ABL1: variants seen among roughly 807,000 people sequenced by gnomAD.
The protein encoded by ABL1 is tyrosine-protein kinase ABL1.
A neutral mutation model predicts 94.7 loss-of-function variants in ABL1; 11 were observed. The ratio of observed to expected loss-of-function variants is 0.12; its 90% CI spans 0.07 to 0.19. The LOEUF is 0.19. ABL1 is among the 10% of genes least tolerant of loss of function. The pLI is 1.00. For synonymous variants in ABL1, 656 were observed against 622.4 expected (o/e 1.05, Z -0.80); for missense variants, 1,082 against 1,489.4 (o/e 0.73, Z 4.50).
At position 130,884,766 on chromosome 9, in the gene ABL1, C is replaced by T. The variant is rs140320313; in HGVS notation, c.2476C>T (p.Pro826Ser). 4.3e-6 allele frequency: 7 copies of T among 1,611,892 alleles called. No individual in the cohort carries two copies. Among genetic ancestry groups the T allele is most frequent in the Admixed American group, 1.7e-5 (1 of 59,946 alleles). Reference sequence around the variant, plus strand: ...CCTCCGGCGGCAGGTCACCGTGGCCCCTGCCTCGGGCCTCCCCCACAAGGA... The same window carrying T: ...CCTCCGGCGGCAGGTCACCGTGGCCTCTGCCTCGGGCCTCCCCCACAAGGA... Reference protein sequence around the residue: ...KPLRRQVTVAPASGLPHKEEA... With the variant: ...KPLRRQVTVASASGLPHKEEA... Residue 826 changes from proline (P) to serine (S), a missense_variant, in exon 11 of 11, where the codon CCT becomes TCT. Around this residue, in one of 7 missense-constraint regions of ABL1, gnomAD observed 780 missense variants for 835.8 expected, o/e 0.93. Transcript: ENST00000318560. This position sits in a 1 kb window ranked among gnomAD's most constrained non-coding sequence, Gnocchi z 5.6.
At chr9:130,815,388 A>G (rs1293250095) in intron 1 of ABL1, among the ~76,000 whole-genome samples, 7 of 152,166 alleles carry the variant, frequency 4.6e-5, no homozygotes, top group Non-Finnish European at 7.4e-5. Context: ...GATCTGATAT[A>G]GTCACTTCTT....
chr9:130,727,495 G>T (rs948410811), intron 1 of ABL1, among the ~76,000 whole-genome samples: 1 of 151,984 alleles, frequency 6.6e-6, no homozygotes, highest in African/African-American at 2.4e-5. Context: ...GGGCGTGGTG[G>T]CACACGCCTG....
At chr9:130,861,792 T>C (rs959138882) in intron 3 of ABL1, among the ~76,000 whole-genome samples, 37 of 152,284 alleles carry the variant, frequency 2.4e-4, no homozygotes, top group African/African-American at 8.9e-4. Context: ...GTGCCTGGAG[T>C]CCAGATGTTT....
intron 1 of ABL1, among the ~76,000 whole-genome samples, chr9:130,761,980 C>A (rs1419824357): frequency 6.6e-6 from 1 of 151,854 alleles, no homozygotes; most frequent in Admixed American, 6.6e-5. Context: ...CCCGTCTCTA[C>A]TAAAAATACA....
At chr9:130,734,825 A>G (rs931979337) in intron 1 of ABL1, among the ~76,000 whole-genome samples, 3 of 152,198 alleles carry the variant, frequency 2.0e-5, no homozygotes, top group Non-Finnish European at 1.5e-5. Flanking sequence ...CCCAGCCTCT[A>G]TTGAATATTC....
intron 1 of ABL1, among the ~76,000 whole-genome samples, chr9:130,799,119 G>A (rs1441494269): frequency 6.6e-6 from 1 of 152,122 alleles, no homozygotes; most frequent in Non-Finnish European, 1.5e-5. Flanking sequence ...AAAGCCAGGG[G>A]AGTCATAAAG....
chr9:130,846,375 AT>A (rs1390296636), intron 1 of ABL1, among the ~76,000 whole-genome samples: 1 of 152,238 alleles, frequency 6.6e-6, no homozygotes, highest in Non-Finnish European at 1.5e-5. Context: ...TGTTTTATAG[AT>A]TTTTAAATTA....
chr9:130,844,130 C>T (rs1287377074), intron 1 of ABL1, among the ~76,000 whole-genome samples: 2 of 152,198 alleles, frequency 1.3e-5, no homozygotes, highest in African/African-American at 4.8e-5. Flanking sequence ...TCTCTTCTGC[C>T]TCTCGGCTGG....
rs1172072689 is a variant in ABL1, at chr9:130,854,893, A to C, written c.346A>C (p.Ile116Leu). 1.2e-6 allele frequency: 2 copies of C among 1,614,094 alleles called. No homozygotes were observed. The highest frequency in any genetic ancestry group is 1.7e-6 in the Non-Finnish European group (2 of 1,180,046). Reference sequence around the variant, plus strand: ...CCAAGGCTGGGTCCCAAGCAACTACATCACGCCAGTCAACAGTCTGGAGAA... The same window carrying C: ...CCAAGGCTGGGTCCCAAGCAACTACCTCACGCCAGTCAACAGTCTGGAGAA... ...NGQGWVPSNY[I>L]TPVNSLEKHS... Residue 116 changes from isoleucine to leucine, a missense_variant, in exon 3 of 11, where the codon ATC becomes CTC. Ile to Leu is a conservative substitution (Grantham distance 5). Transcript: ENST00000318560.
At position 130,718,116 on chromosome 9, in the gene ABL1, G is replaced by A. The variant is rs558325544; in HGVS notation, c.136+3661G>A. Reference sequence around the variant, plus strand: ...GCGGATCACTTGAGGTCAGTAGTTCGAAACTGGCCTGGCCAACGTGATGAA... The same window carrying A: ...GCGGATCACTTGAGGTCAGTAGTTCAAAACTGGCCTGGCCAACGTGATGAA... On this transcript the variant is annotated intron_variant, in intron 1 of 10. Transcript: ENST00000372348. Among the ~76,000 whole-genome samples, 118 of 151,908 alleles carry A rather than the reference G, an allele frequency of 7.8e-4. 1 individual carries two copies. Among genetic ancestry groups the A allele is most frequent in the Non-Finnish European group, 5.9e-5 (4 of 67,966 alleles).
At chr9:130,727,367 G>T (rs1173964159) in intron 1 of ABL1, among the ~76,000 whole-genome samples, 1 of 151,924 alleles carries the variant, frequency 6.6e-6, no homozygotes, top group Non-Finnish European at 1.5e-5. Context: ...GTGCCTGGCG[G>T]TATCTCTCTT....
In ABL1 at chr9:130,886,392, G is replaced by C. The variant is rs1266465972; in HGVS notation, c.*709G>C. On this transcript the variant is annotated 3_prime_UTR_variant, in exon 11 of 11. Coordinates refer to ENST00000318560, the MANE Select transcript of ABL1 (RefSeq NM_005157.6). ...TGAAAAGGATCGAGGCATGGGGCATGTCCTTTCCATCTGTCCACATCCCCA... is the reference window on the plus strand; with the variant it reads ...TGAAAAGGATCGAGGCATGGGGCATCTCCTTTCCATCTGTCCACATCCCCA... 1 of 233,768 alleles carries C rather than the reference G, an allele frequency of 4.3e-6. No individual in the cohort carries two copies. The highest frequency in any genetic ancestry group is 8.5e-6 in the Non-Finnish European group (1 of 118,214). The allele number at this position is 233,768 out of a possible 1,614,324, so 14.5% of individuals were successfully genotyped here.
At chr9:130,780,330 A>G (rs1004883149) in intron 1 of ABL1, among the ~76,000 whole-genome samples, 19 of 152,202 alleles carry the variant, frequency 1.2e-4, no homozygotes, top group African/African-American at 3.9e-4. Context: ...ACTTCAAAAA[A>G]AAGCAAACAC....
intron 10 of ABL1, among the ~76,000 whole-genome samples, chr9:130,881,927 T>C (rs1215973417): frequency 6.6e-6 from 1 of 151,660 alleles, no homozygotes; most frequent in Non-Finnish European, 1.5e-5. Flanking sequence ...ATATGGTATA[T>C]AAAGTACGTA....
chr9:130,782,701 T>TTA (rs1175466741), intron 1 of ABL1, among the ~76,000 whole-genome samples: 1 of 152,244 alleles, frequency 6.6e-6, no homozygotes, highest in African/African-American at 2.4e-5. Flanking sequence ...CCCCAGCATC[T>TTA]GTTAGCTGCT....
rs1388984128 is a variant in ABL1, at chr9:130,796,735, AC to A, written c.137-57328del. On this transcript the variant is annotated intron_variant, in intron 1 of 10. Transcript: ENST00000372348. ...CACAGGTAAAAAAATAAATAAATAA[AC>A]AAAAAACAATGTCTTTCTCTGCCTT... Among the ~76,000 whole-genome samples, 3 of 151,530 alleles carry A rather than the reference AC, an allele frequency of 2.0e-5. No homozygotes were observed. The East Asian group carries it at 5.8e-4, about 29-fold the overall frequency.
At chr9:130,837,746 A>G in intron 1 of ABL1, among the ~76,000 whole-genome samples, 1 of 152,208 alleles carries the variant, frequency 6.6e-6, no homozygotes, top group Non-Finnish European at 1.5e-5. Context: ...AAAGACTGGA[A>G]GTGCTATTTG....
At chr9:130,837,369 G>GT (rs1830604831) in intron 1 of ABL1, among the ~76,000 whole-genome samples, 1 of 152,160 alleles carries the variant, frequency 6.6e-6, no homozygotes, top group Non-Finnish European at 1.5e-5. Flanking sequence ...ATGGACTTTT[G>GT]TAAGTGCAGA....
At chr9:130,875,382 A>G (rs1335110438) in intron 7 of ABL1, among the ~76,000 whole-genome samples, 1 of 151,352 alleles carries the variant, frequency 6.6e-6, no homozygotes, top group African/African-American at 2.4e-5. Context: ...ACCTCAGGTG[A>G]TCTGCCTGCC....
Sources: gnomAD v4.1 joint callset for allele counts (sites outside exome capture counted in the v4.1 genomes callset) on GRCh38, gnomAD v4.1.1 for gene constraint, gnomAD v4.1.1 regional missense constraint, Gnocchi (gnomAD v3.1) non-coding constraint, MANE v1.5 for transcripts, NCBI Gene and HGNC (gene_info 2026-07-23, HGNC 2026-07-21) for gene names.